MCHR1: variants seen among roughly 807,000 people sequenced by gnomAD.
The protein encoded by MCHR1 is melanin-concentrating hormone receptor 1.
A neutral mutation model predicts 20.4 loss-of-function variants in MCHR1; 13 were observed. That is an observed-to-expected ratio of 0.64 (90% CI 0.41 to 1.01). MCHR1 has a LOEUF of 1.01. Ranked by LOEUF, MCHR1 falls within the 50% of genes least tolerant of loss-of-function variation. The pLI, the probability that MCHR1 is intolerant of heterozygous loss-of-function variation, is 0.00. For synonymous variants in MCHR1, 215 were observed against 204.4 expected (o/e 1.05, Z -0.44); for missense variants, 472 against 477.0 (o/e 0.99, Z 0.10).
rs377766378 is a variant in MCHR1 at position 40,681,455 on chromosome 22, C to T, written c.589C>T (p.Arg197Cys). 43 of 1,613,312 alleles carry T rather than the reference C, an allele frequency of 2.7e-5. No homozygotes were observed. Among genetic ancestry groups the T allele is most frequent in the Non-Finnish European group, 3.2e-5 (38 of 1,180,042 alleles). ...FPGGAVGCGI[R>C]LPNPDTDLYW... The stretch of plus-strand genomic sequence containing the variant: ...AGGAGGTGCAGTGGGCTGCGGCATA[C>T]GCCTGCCCAACCCAGACACTGACCT... Residue 197 changes from arginine (R) to cysteine (C), a missense_variant, in exon 2 of 2, where the codon CGC becomes TGC. Coordinates refer to ENST00000249016, the MANE Select transcript of MCHR1 (RefSeq NM_005297.4). This position sits in a 1 kb window ranked among gnomAD's most constrained non-coding sequence, Gnocchi z 4.3.
At position 40,681,035 on chromosome 22, in the gene MCHR1, G is replaced by C; in HGVS notation, c.169G>C (p.Gly57Arg). 1 of 1,613,976 alleles carries C rather than the reference G, an allele frequency of 6.2e-7. No homozygotes were observed. The change falls in exon 2 of 2, where the codon GGG becomes CGG. Residue 57 changes from glycine to arginine, a missense_variant. Gly to Arg is a moderately radical substitution (Grantham distance 125). Transcript: ENST00000249016. This position sits in a 1 kb window ranked among gnomAD's most constrained non-coding sequence, Gnocchi z 4.3. ...CACCATCTGCCTCCTGGGCATCATC[G>C]GGAACTCCACGGTCATCTTCGCGGT... ...FGTICLLGII[G>R]NSTVIFAVVK...
chr22:40,682,065 T>C lies in MCHR1; in HGVS notation c.*137T>C. Reference sequence around the variant, plus strand: ...TGAGGGGTTGTTGCAATGAAATAAATACATTCCATGGGGCTCACACGTTGC... The same window carrying C: ...TGAGGGGTTGTTGCAATGAAATAAACACATTCCATGGGGCTCACACGTTGC... On this transcript the variant is annotated 3_prime_UTR_variant, in exon 2 of 2. Transcript: ENST00000249016. The C allele has an allele frequency of 8.7e-7, 1 of 1,153,622 alleles. No homozygotes were observed. The highest frequency in any genetic ancestry group is 2.1e-5 in the Admixed American group (1 of 47,772). The allele number at this position is 1,153,622 out of a possible 1,614,324, so 71.5% of individuals were successfully genotyped here.
At chr22:40,679,990 C>T (rs975686846) in intron 1 of MCHR1, 10 of 567,794 alleles carry the variant, frequency 1.8e-5, no homozygotes, top group African/African-American at 1.7e-4. Flanking sequence ...GGAAGGCTCG[C>T]TGCTGGGTTC....
chr22:40,679,749 A>G lies in MCHR1; in HGVS notation c.82+15A>G. 6.2e-7 allele frequency: 1 copy of G among 1,613,908 alleles called. No homozygotes were observed. The highest frequency in any genetic ancestry group is 8.5e-7 in the Non-Finnish European group (1 of 1,179,902). On this transcript the variant is annotated intron_variant, in intron 1 of 1. Coordinates refer to ENST00000249016, the MANE Select transcript of MCHR1 (RefSeq NM_005297.4). Reference sequence around the variant, plus strand: ...CACTTCGGCAGGTGAGTTGACTGGGAGCCCTCCCTCCTCTGGGCTGTGGGT... The same window carrying G: ...CACTTCGGCAGGTGAGTTGACTGGGGGCCCTCCCTCCTCTGGGCTGTGGGT...
rs748030326 is a variant in MCHR1 at position 40,679,511 on chromosome 22, C to T, written c.-142C>T. 4 of 1,613,948 alleles carry T rather than the reference C, an allele frequency of 2.5e-6. No individual in the cohort carries two copies. The South Asian group carries it at 3.3e-5, about 13-fold the overall frequency. On this transcript the variant is annotated 5_prime_UTR_variant, in exon 1 of 2. Coordinates refer to ENST00000249016, the MANE Select transcript of MCHR1 (RefSeq NM_005297.4). ...TTGGGCTTGGAGGCGGCAGCGGCTG[C>T]CAGGCTACGGAGGAAGACCCCCTTC...
At position 40,679,589 on chromosome 22, in the gene MCHR1, G is replaced by T; in HGVS notation, c.-64G>T. ...AAGGTGGCAGGCGCTGGAGGCTGCC[G>T]CAGCCTGCGTGGGTGGAGGGGAGCT... On this transcript the variant is annotated 5_prime_UTR_variant, in exon 1 of 2. Transcript: ENST00000249016. 6.2e-7 allele frequency: 1 copy of T among 1,613,812 alleles called. No individual in the cohort carries two copies. The highest frequency in any genetic ancestry group is 8.5e-7 in the Non-Finnish European group (1 of 1,179,880).
At position 40,681,662 on chromosome 22, in the gene MCHR1, T is replaced by G. The variant is rs2056881661; in HGVS notation, c.796T>G (p.Phe266Val). ...AGCCATCGCCATCTGTCTGGTCTTC[T>G]TTGTGTGCTGGGCACCCTACTATGT... ...RTAIAICLVFFVCWAPYYVLQ... is the reference protein window; with the variant it reads ...RTAIAICLVFVVCWAPYYVLQ... The change falls in exon 2 of 2, where the codon TTT becomes GTT. Residue 266 changes from phenylalanine (F) to valine (V), a missense_variant. By Grantham distance (50) the Phe-to-Val change is conservative (BLOSUM62 -1). Transcript: ENST00000249016. This position sits in a 1 kb window ranked among gnomAD's most constrained non-coding sequence, Gnocchi z 4.3. 6.2e-7 allele frequency: 1 copy of G among 1,614,272 alleles called. No homozygotes were observed.
Position 40,681,395 on chromosome 22 carries a change from C to T in MCHR1, c.529C>T (p.Pro177Ser), listed in dbSNP as rs1173396015. The T allele has an allele frequency of 6.2e-7, 1 of 1,614,194 alleles. No homozygotes were observed. The highest frequency in any genetic ancestry group is 1.1e-5 in the South Asian group (1 of 91,090). ...GGCCCTCTCCTTCATCAGCATCACC[C>T]CTGTGTGGCTGTATGCCAGACTCAT... ...LWALSFISIT[P>S]VWLYARLIPF... Residue 177 changes from proline to serine, a missense_variant, in exon 2 of 2, where the codon CCT becomes TCT. Pro to Ser is a moderately conservative substitution (Grantham distance 74). Coordinates refer to ENST00000249016, the MANE Select transcript of MCHR1 (RefSeq NM_005297.4). This position sits in a 1 kb window ranked among gnomAD's most constrained non-coding sequence, Gnocchi z 4.3.
rs2056885244 is a variant in MCHR1, at chr22:40,682,191, C to T, written c.*263C>T. On this transcript the variant is annotated 3_prime_UTR_variant, in exon 2 of 2. Coordinates refer to ENST00000249016, the MANE Select transcript of MCHR1 (RefSeq NM_005297.4). ...ATAGAACAGAAGCTGAGCAAGAGAA[C>T]ATGTTGGTTTGGATAACCGGTTGCA... 7.4e-6 allele frequency: 4 copies of T among 539,582 alleles called. No individual in the cohort carries two copies. The highest frequency in any genetic ancestry group is 6.2e-5 in the South Asian group (3 of 48,608). 33.4% of individuals were successfully genotyped at this position (539,582 alleles called of 1,614,324 possible).
chr22:40,681,227 G>A lies in MCHR1; in HGVS notation c.361G>A (p.Ala121Thr), dbSNP rs1602543981. ...FGETMCTLIT[A>T]MDANSQFTST... is the part of the protein sequence containing the mutation. ...GGAGACCATGTGCACCCTCATCACGGCCATGGATGCCAATAGTCAGTTCAC... is the reference window on the plus strand; with the variant it reads ...GGAGACCATGTGCACCCTCATCACGACCATGGATGCCAATAGTCAGTTCAC... Residue 121 changes from alanine to threonine, a missense_variant, in exon 2 of 2, where the codon GCC becomes ACC. Ala to Thr is a moderately conservative substitution (Grantham distance 58, BLOSUM62 0). Transcript: ENST00000249016. This position sits in a 1 kb window ranked among gnomAD's most constrained non-coding sequence, Gnocchi z 4.3. The A allele has an allele frequency of 6.2e-7, 1 of 1,614,060 alleles. No homozygotes were observed. The highest frequency in any genetic ancestry group is 8.5e-7 in the Non-Finnish European group (1 of 1,180,030).
Position 40,681,420 on chromosome 22 carries a change from T to A in MCHR1, c.554T>A (p.Ile185Asn), listed in dbSNP as rs766183463. 1 of 1,614,046 alleles carries A rather than the reference T, an allele frequency of 6.2e-7. No individual in the cohort carries two copies. The highest frequency in any genetic ancestry group is 2.2e-5 in the East Asian group (1 of 44,886). ...ITPVWLYARLIPFPGGAVGCG... is the reference protein window; with the variant it reads ...ITPVWLYARLNPFPGGAVGCG... ...CCTGTGTGGCTGTATGCCAGACTCA[T>A]CCCCTTCCCAGGAGGTGCAGTGGGC... is the stretch of plus-strand genomic sequence containing the variant. The change falls in exon 2 of 2, where the codon ATC becomes AAC. Residue 185 changes from isoleucine (I) to asparagine (N), a missense_variant. Physicochemically the swap from Ile to Asn is moderately radical, Grantham distance 149. Transcript: ENST00000249016. This position sits in a 1 kb window ranked among gnomAD's most constrained non-coding sequence, Gnocchi z 4.3.
chr22:40,681,417 T>G lies in MCHR1; in HGVS notation c.551T>G (p.Leu184Arg). 6.2e-7 allele frequency: 1 copy of G among 1,614,098 alleles called. No homozygotes were observed. The highest frequency in any genetic ancestry group is 8.5e-7 in the Non-Finnish European group (1 of 1,180,044). The change falls in exon 2 of 2, where the codon CTC becomes CGC. Residue 184 changes from leucine to arginine, a missense_variant. Transcript: ENST00000249016. The surrounding 1 kb of genome is among the most constrained non-coding windows in gnomAD (Gnocchi z 4.3). ...ACCCCTGTGTGGCTGTATGCCAGAC[T>G]CATCCCCTTCCCAGGAGGTGCAGTG... is the stretch of plus-strand genomic sequence containing the variant. ...SITPVWLYAR[L>R]IPFPGGAVGC...
At chr22:40,680,426 T>C (rs1169998008) in intron 1 of MCHR1, among the ~76,000 whole-genome samples, 1 of 151,844 alleles carries the variant, frequency 6.6e-6, no homozygotes, top group Non-Finnish European at 1.5e-5. Flanking sequence ...AAGCCTGGGG[T>C]AGGGAGAGCT....
Position 40,681,775 on chromosome 22 carries a change from C to T in MCHR1, c.909C>T (p.Asn303=), listed in dbSNP as rs201972946. 5.6e-6 allele frequency: 9 copies of T among 1,614,276 alleles called. No individual in the cohort carries two copies. Among genetic ancestry groups the T allele is most frequent in the Non-Finnish European group, 7.6e-6 (9 of 1,180,052 alleles). Residue 303 remains asparagine, a synonymous_variant, in exon 2 of 2, where the codon AAC becomes AAT. Coordinates refer to ENST00000249016, the MANE Select transcript of MCHR1 (RefSeq NM_005297.4). The surrounding 1 kb of genome is among the most constrained non-coding windows in gnomAD (Gnocchi z 4.3). ...YNAAISLGYA[N]SCLNPFVYIV... ...CGGCCATCAGCTTGGGCTATGCCAACAGCTGCCTCAACCCCTTTGTGTACA... is the reference window on the plus strand; with the variant it reads ...CGGCCATCAGCTTGGGCTATGCCAATAGCTGCCTCAACCCCTTTGTGTACA...
chr22:40,680,902 AGCAAAGCCCATGTCAAAC>A, intron 1 of MCHR1, 29 bp from the exon 2 acceptor site: 1 of 1,609,844 alleles, frequency 6.2e-7, no homozygotes, highest in East Asian at 2.2e-5. Flanking sequence ...CAGTTCTCAG[AGCAAAGCCCATGTCAAAC>A]AGCCAACGCT....
intron 1 of MCHR1, 70 bp from the exon 2 acceptor site, chr22:40,680,879 G>A (rs2056875575): frequency 1.9e-6 from 3 of 1,597,824 alleles, no homozygotes; most frequent in Non-Finnish European, 2.6e-6. Flanking sequence ...GGCTGAGCAT[G>A]CCAGCAGGAT....
In MCHR1 at chr22:40,679,597, C is replaced by A; in HGVS notation, c.-56C>A. On this transcript the variant is annotated 5_prime_UTR_variant, in exon 1 of 2. Transcript: ENST00000249016. ...AGGCGCTGGAGGCTGCCGCAGCCTGCGTGGGTGGAGGGGAGCTCAGCTCGG... is the reference window on the plus strand; with the variant it reads ...AGGCGCTGGAGGCTGCCGCAGCCTGAGTGGGTGGAGGGGAGCTCAGCTCGG... 6.2e-7 allele frequency: 1 copy of A among 1,613,878 alleles called. No individual in the cohort carries two copies. Among genetic ancestry groups the A allele is most frequent in the Non-Finnish European group, 8.5e-7 (1 of 1,179,914 alleles).
Position 40,681,169 on chromosome 22 carries a change from C to A in MCHR1, c.303C>A (p.His101Gln), listed in dbSNP as rs1160873267. Residue 101 changes from histidine to glutamine, a missense_variant, in exon 2 of 2, where the codon CAC (histidine) becomes CAA (glutamine). Transcript: ENST00000249016. This position sits in a 1 kb window ranked among gnomAD's most constrained non-coding sequence, Gnocchi z 4.3. Reference protein sequence around the residue: ...LFLLGMPFMIHQLMGNGVWHF... With the variant: ...LFLLGMPFMIQQLMGNGVWHF... ...TCCTGGGCATGCCCTTCATGATCCA[C>A]CAGCTCATGGGCAATGGGGTGTGGC... The A allele has an allele frequency of 1.9e-6, 3 of 1,614,030 alleles. No homozygotes were observed. Among genetic ancestry groups the A allele is most frequent in the Non-Finnish European group, 2.5e-6 (3 of 1,180,020 alleles).
rs2056884798 is a variant in MCHR1, at chr22:40,682,074, T to C, written c.*146T>C. ...GTTGCAATGAAATAAATACATTCCA[T>C]GGGGCTCACACGTTGCTGGGGAGGC... On this transcript the variant is annotated 3_prime_UTR_variant, in exon 2 of 2. Coordinates refer to ENST00000249016, the MANE Select transcript of MCHR1 (RefSeq NM_005297.4). 1.9e-6 allele frequency: 2 copies of C among 1,075,414 alleles called. No individual in the cohort carries two copies. The highest frequency in any genetic ancestry group is 2.7e-6 in the Non-Finnish European group (2 of 737,472). The allele number at this position is 1,075,414 out of a possible 1,614,324, so 66.6% of individuals were successfully genotyped here.
Sources: allele counts gnomAD v4.1 joint callset (sites outside exome capture counted in the v4.1 genomes callset), GRCh38; gene constraint gnomAD v4.1.1; non-coding constraint Gnocchi (gnomAD v3.1); transcripts MANE v1.5; gene names NCBI Gene and HGNC (gene_info 2026-07-23, HGNC 2026-07-21).